UNC5C: variants seen among roughly 807,000 people sequenced by gnomAD.
The protein encoded by UNC5C is netrin receptor UNC5C.
In UNC5C, 47 loss-of-function variants were observed where a neutral mutation model predicts 99.8. That is an observed-to-expected ratio of 0.47 (90% CI 0.37 to 0.60). UNC5C has a LOEUF of 0.60. UNC5C is among the 20% of genes least tolerant of loss of function. The probability of loss-of-function intolerance (pLI) is 0.00; values close to 1 mark genes in which losing one functional copy is unlikely to be tolerated. For missense variants in UNC5C, 1,062 were observed against 1,165.9 expected (o/e 0.91, Z 1.30); for synonymous variants, 487 against 452.2 (o/e 1.08, Z -0.98).
intron 1 of UNC5C, among the ~76,000 whole-genome samples, chr4:95,514,100 A>G (rs1483810704): frequency 6.6e-6 from 1 of 152,194 alleles, no homozygotes; most frequent in East Asian, 1.9e-4. Context: ...TCATTTCCAC[A>G]GTAACATTTT....
chr4:95,477,550 G>C (rs1398097673), intron 1 of UNC5C, among the ~76,000 whole-genome samples: 1 of 152,028 alleles, frequency 6.6e-6, no homozygotes, highest in Non-Finnish European at 1.5e-5. Flanking sequence ...ATGAGATGGA[G>C]AGACAAAGTT....
rs919184085 is a variant in UNC5C at position 95,401,091 on chromosome 4, A to G, written c.125-65460T>C. Among the ~76,000 whole-genome samples the G allele has an allele frequency of 6.6e-5, 10 of 152,238 alleles. No homozygotes were observed. The South Asian group carries it at 1.0e-3, about 16-fold the overall frequency. On this transcript the variant is annotated intron_variant, in intron 1 of 15. Coordinates refer to ENST00000453304, the MANE Select transcript of UNC5C (RefSeq NM_003728.4). ...TGAGACGATTTTCTCACTAAAAGAA[A>G]TACTTTTTGTCCTTGAGATATAACA...
In UNC5C at chr4:95,392,444, T is replaced by TA. The variant is rs1169560884; in HGVS notation, c.125-56814dup. Among the ~76,000 whole-genome samples, 194 of 147,388 alleles carry TA rather than the reference T, an allele frequency of 1.3e-3. 1 individual carries two copies. Among genetic ancestry groups the TA allele is most frequent in the South Asian group, 0.011 (51 of 4,690 alleles). ...AGTATCAAAACATTTTTTTTTTTTT[T>TA]AAAAAAAAAACAGGTTTCACTCTGT... On this transcript the variant is annotated intron_variant, in intron 1 of 15. Coordinates refer to ENST00000453304, the MANE Select transcript of UNC5C (RefSeq NM_003728.4).
In UNC5C at chr4:95,394,130, T is replaced by A. The variant is rs968540491; in HGVS notation, c.125-58499A>T. Among the ~76,000 whole-genome samples the A allele has an allele frequency of 1.2e-4, 19 of 152,324 alleles. No homozygotes were observed. In the South Asian group the frequency reaches 3.5e-3, roughly 28 times the overall value. ...TAAAGCTCATACTGTGAAATAAATCTACTCTTTTCTGCAGTATTGCTTCTC... is the reference window on the plus strand; with the variant it reads ...TAAAGCTCATACTGTGAAATAAATCAACTCTTTTCTGCAGTATTGCTTCTC... On this transcript the variant is annotated intron_variant, in intron 1 of 15. Transcript: ENST00000453304.
intron 2 of UNC5C, among the ~76,000 whole-genome samples, chr4:95,333,743 T>C (rs1292729475): frequency 6.6e-6 from 1 of 151,974 alleles, no homozygotes; most frequent in Non-Finnish European, 1.5e-5. Flanking sequence ...AATAGTTTTG[T>C]TTCTATTTAT....
At chr4:95,170,060 G>C in intron 15 of UNC5C, 94 bp downstream of exon 15, 1 of 1,438,846 alleles carries the variant, frequency 7.0e-7, no homozygotes, top group Non-Finnish European at 9.4e-7. Context: ...TGTGTGGATG[G>C]AAAAAAAAAT....
chr4:95,194,188 G>A (rs533452891), intron 12 of UNC5C, among the ~76,000 whole-genome samples: 40 of 152,264 alleles, frequency 2.6e-4, no homozygotes, highest in African/African-American at 9.1e-4. Context: ...GGCAAGCAGC[G>A]TGTCACTTGT....
chr4:95,312,594 T>C (rs1248243559), intron 2 of UNC5C, among the ~76,000 whole-genome samples: 1 of 152,164 alleles, frequency 6.6e-6, no homozygotes, highest in African/African-American at 2.4e-5. Context: ...TAAACAATTG[T>C]TCATATAGCC....
At chr4:95,343,087 G>A (rs1305917033) in intron 1 of UNC5C, among the ~76,000 whole-genome samples, 1 of 152,098 alleles carries the variant, frequency 6.6e-6, no homozygotes, top group Non-Finnish European at 1.5e-5. Flanking sequence ...AGGGCTGGGG[G>A]CAACTTGCTT....
rs79624449 is a variant in UNC5C at position 95,183,126 on chromosome 4, C to T, written c.2287-65G>A. 7,592 of 1,508,502 alleles carry T rather than the reference C, an allele frequency of 5.0e-3. 29 individuals are homozygous for T. Among genetic ancestry groups the T allele is most frequent in the Non-Finnish European group, 6.0e-3 (6,648 of 1,105,584 alleles). 93.4% of individuals were successfully genotyped at this position (1,508,502 alleles called of 1,614,324 possible). ...ATACCAAAAATAACTCTCAGATGGT[C>T]TGCTGCCAGGTACTCTGAGTATCAC... On this transcript the variant is annotated intron_variant, in intron 13 of 15. Transcript: ENST00000453304.
chr4:95,532,029 C>T (rs1164917858), intron 1 of UNC5C, among the ~76,000 whole-genome samples: 2 of 152,226 alleles, frequency 1.3e-5, no homozygotes, highest in African/African-American at 4.8e-5. Context: ...ATTCCCAATT[C>T]TGTCTTTAGG....
intron 6 of UNC5C, among the ~76,000 whole-genome samples, chr4:95,243,347 A>G (rs973099239): frequency 6.6e-6 from 1 of 152,196 alleles, no homozygotes; most frequent in South Asian, 2.1e-4. Context: ...TTCAAAGATA[A>G]TGAACTTAGA....
intron 1 of UNC5C, among the ~76,000 whole-genome samples, chr4:95,443,139 G>C (rs1746999212): frequency 6.6e-6 from 1 of 152,126 alleles, no homozygotes; most frequent in African/African-American, 2.4e-5. Context: ...ATCCCAAGGA[G>C]AGGAAACAGC....
chr4:95,214,862 G>T (rs1434534), intron 10 of UNC5C, among the ~76,000 whole-genome samples: 84,948 of 152,008 alleles, frequency 0.56, 24,300 homozygotes, highest in Middle Eastern at 0.75. Context: ...TGATGCAAAA[G>T]AAGGGAGCTT....
At chr4:95,271,562 C>T (rs76574525) in intron 4 of UNC5C, among the ~76,000 whole-genome samples, 3,698 of 152,278 alleles carry the variant, frequency 0.024, 137 homozygotes, top group African/African-American at 0.084. Flanking sequence ...GATCTTAGGT[C>T]ATCTGAATAA....
intron 1 of UNC5C, among the ~76,000 whole-genome samples, chr4:95,498,387 G>GA (rs1721683844): frequency 6.6e-6 from 1 of 151,858 alleles, no homozygotes; most frequent in South Asian, 2.1e-4. Context: ...ATAAGCAAAG[G>GA]AAAGCAAGAG....
intron 1 of UNC5C, among the ~76,000 whole-genome samples, chr4:95,367,274 T>C (rs1744602955): frequency 6.6e-6 from 1 of 151,520 alleles, no homozygotes; most frequent in Admixed American, 6.6e-5. Flanking sequence ...GCTCAAGTGA[T>C]TCTCCCACCT....
intron 1 of UNC5C, among the ~76,000 whole-genome samples, chr4:95,425,727 G>A (rs917045633): frequency 6.6e-6 from 1 of 152,108 alleles, no homozygotes; most frequent in Non-Finnish European, 1.5e-5. Context: ...CAAAGAAATT[G>A]ATTAAAAATG....
chr4:95,470,799 G>A (rs1173492189), intron 1 of UNC5C, among the ~76,000 whole-genome samples: 1 of 152,052 alleles, frequency 6.6e-6, no homozygotes, highest in Admixed American at 6.6e-5. Context: ...TCACGAGCCT[G>A]AATTACTCTC....
Sources: allele counts gnomAD v4.1 joint callset (sites outside exome capture counted in the v4.1 genomes callset), GRCh38; gene constraint gnomAD v4.1.1; transcripts MANE v1.5; gene names NCBI Gene and HGNC (gene_info 2026-07-23, HGNC 2026-07-21).